FOXN3: variants seen among roughly 807,000 people sequenced by gnomAD.
FOXN3 encodes forkhead box N3, also known as forkhead box protein N3.
Under a neutral mutation model 38.4 loss-of-function variants are expected in FOXN3, and 7 were observed. That is an observed-to-expected ratio of 0.18 (90% CI 0.10 to 0.34). The LOEUF (loss-of-function observed/expected upper bound fraction) is 0.34. Ranked by LOEUF, FOXN3 falls within the 10% of genes least tolerant of loss-of-function variation. FOXN3 has a pLI of 1.00. For synonymous variants in FOXN3, 230 were observed against 242.2 expected, an observed-to-expected ratio of 0.95 and a Z score of 0.47; for missense variants, 456 against 613.4, an observed-to-expected ratio of 0.74 and a Z score of 2.71.
intron 2 of FOXN3, among the ~76,000 whole-genome samples, chr14:89,377,935 CATGTGGAAGACAT>C (rs1054478117): frequency 6.6e-6 from 1 of 152,160 alleles, no homozygotes; most frequent in African/African-American, 2.4e-5. Flanking sequence ...CAGAGAAGAC[CATGTGGAAGACAT>C]GTGGGGAAGG....
chr14:89,522,552 T>C (rs906244886), intron 1 of FOXN3, among the ~76,000 whole-genome samples: 4 of 152,114 alleles, frequency 2.6e-5, no homozygotes, highest in African/African-American at 9.7e-5. Flanking sequence ...GTGGGGCTTA[T>C]AAGAAGTATA....
upstream of FOXN3, chr14:89,417,671 A>C: frequency 2.2e-6 from 1 of 455,900 alleles, no homozygotes; most frequent in Non-Finnish European, 4.4e-6. Flanking sequence ...AAATAAAAAG[A>C]ATTACGATGC....
chr14:89,309,600 C>T (rs1164898790), intron 3 of FOXN3, among the ~76,000 whole-genome samples: 1 of 152,190 alleles, frequency 6.6e-6, no homozygotes, highest in African/African-American at 2.4e-5. Flanking sequence ...GGGGGAGATG[C>T]ACTTTAGCCC....
At chr14:89,215,298 T>G (rs1884235657) in intron 4 of FOXN3, among the ~76,000 whole-genome samples, 1 of 151,930 alleles carries the variant, frequency 6.6e-6, no homozygotes, top group Non-Finnish European at 1.5e-5. Context: ...CCCTCCTCCT[T>G]CCTCAAATAT....
intron 1 of FOXN3, among the ~76,000 whole-genome samples, chr14:89,476,830 C>T (rs867011660): frequency 6.6e-6 from 1 of 152,104 alleles, no homozygotes; most frequent in Non-Finnish European, 1.5e-5. Context: ...ATCTCTAACA[C>T]GTGATAATCT....
chr14:89,176,155 G>A (rs576881944), intron 5 of FOXN3, among the ~76,000 whole-genome samples: 1 of 152,318 alleles, frequency 6.6e-6, no homozygotes, highest in South Asian at 2.1e-4. Context: ...CAATCTTGGA[G>A]GTTATTGAGT....
intron 2 of FOXN3, among the ~76,000 whole-genome samples, chr14:89,386,566 T>G (rs1396544413): frequency 6.6e-6 from 1 of 152,222 alleles, no homozygotes. Context: ...TTAAGTAAGA[T>G]AGTGCCCAAC....
chr14:89,399,554 C>T (rs1433452136), intron 2 of FOXN3, among the ~76,000 whole-genome samples: 1 of 152,182 alleles, frequency 6.6e-6, no homozygotes, highest in Non-Finnish European at 1.5e-5. Context: ...ACTCTCTTGT[C>T]CTTGCAACCA....
rs1887047493 is a variant in FOXN3, at chr14:89,159,354, C to T, written c.*3060G>A. 6.6e-6 allele frequency: 1 copy of T among 152,638 alleles called. No individual in the cohort carries two copies. The highest frequency in any genetic ancestry group is 2.1e-4 in the South Asian group (1 of 4,836). The allele number at this position is 152,638 out of a possible 1,614,324, so 9.5% of individuals were successfully genotyped here. ...AGAAAAATAGGAAGAAGTACCCTCA[C>T]TAAAGGTTCCCCGACAAGTCTTCCG... On this transcript the variant is annotated 3_prime_UTR_variant, in exon 6 of 6. Transcript: ENST00000557258.
At chr14:89,410,869 G>A (rs1596258722) in intron 2 of FOXN3, among the ~76,000 whole-genome samples, 1 of 148,918 alleles carries the variant, frequency 6.7e-6, no homozygotes, top group African/African-American at 2.5e-5. Context: ...CAAGACCCTG[G>A]TCCCAAAAAA....
chr14:89,432,816 G>T (rs1173062668), intron 1 of FOXN3, among the ~76,000 whole-genome samples: 3 of 152,074 alleles, frequency 2.0e-5, no homozygotes, highest in African/African-American at 7.2e-5. Flanking sequence ...GGTTTGGTTT[G>T]AGTTTTGCAT....
chr14:89,472,684 G>A (rs1171021684), intron 1 of FOXN3, among the ~76,000 whole-genome samples: 2 of 140,306 alleles, frequency 1.4e-5, no homozygotes, highest in African/African-American at 2.7e-5. Context: ...TCGCGCCACT[G>A]CACTCCAGCC....
chr14:89,336,812 T>C (rs946785529), intron 3 of FOXN3, among the ~76,000 whole-genome samples: 3 of 152,224 alleles, frequency 2.0e-5, no homozygotes, highest in Non-Finnish European at 4.4e-5. Flanking sequence ...GCCTAGAATA[T>C]CGGATGGAAA....
chr14:89,390,337 T>C (rs1458175408), intron 2 of FOXN3, among the ~76,000 whole-genome samples: 1 of 147,578 alleles, frequency 6.8e-6, no homozygotes, highest in Non-Finnish European at 1.5e-5. Context: ...ATATTATCTA[T>C]ATAATTTTAT....
intron 1 of FOXN3, among the ~76,000 whole-genome samples, chr14:89,579,757 T>C (rs1244875549): frequency 6.6e-6 from 1 of 152,192 alleles, no homozygotes; most frequent in Non-Finnish European, 1.5e-5. Flanking sequence ...ATGGTTCAAC[T>C]ACCATTCTTT....
chr14:89,301,681 C>T (rs957843373), intron 3 of FOXN3, among the ~76,000 whole-genome samples: 8 of 151,804 alleles, frequency 5.3e-5, no homozygotes, highest in Non-Finnish European at 8.8e-5. Context: ...GGTAGGAGAA[C>T]TGCTTGAACC....
At position 89,556,360 on chromosome 14, in the gene FOXN3, G is replaced by A. The variant is rs138511305; in HGVS notation, c.-15+62668C>T. On this transcript the variant is annotated intron_variant, in intron 1 of 6. Transcript: ENST00000345097. ...GGAGGTTGCAGTGAACCAAAATCACGCCATTGCACTCTAGCCTGGGCAACA... is the reference window on the plus strand; with the variant it reads ...GGAGGTTGCAGTGAACCAAAATCACACCATTGCACTCTAGCCTGGGCAACA... 1.0e-4 allele frequency among the ~76,000 whole-genome samples: 15 copies of A among 148,828 alleles called. No individual in the cohort carries two copies. In the East Asian group the frequency reaches 2.6e-3, roughly 25 times the overall value.
chr14:89,374,019 A>G (rs1388137615), intron 2 of FOXN3, among the ~76,000 whole-genome samples: 1 of 152,066 alleles, frequency 6.6e-6, no homozygotes, highest in Admixed American at 6.6e-5. Context: ...TAATGCCAGC[A>G]TTTTGGGAGG....
intron 1 of FOXN3, among the ~76,000 whole-genome samples, chr14:89,566,209 G>A (rs1392380919): frequency 1.3e-5 from 2 of 152,038 alleles, no homozygotes; most frequent in Non-Finnish European, 2.9e-5. Context: ...TTTTTCAAAA[G>A]TAAATTGTGG....
Sources: allele counts gnomAD v4.1 joint callset (sites outside exome capture counted in the v4.1 genomes callset), GRCh38; gene constraint gnomAD v4.1.1; transcripts MANE v1.5; gene names NCBI Gene and HGNC (gene_info 2026-07-23, HGNC 2026-07-21).